The following MISFA variants were observed in gnomAD, a reference collection of about 807,000 sequenced individuals.
The protein encoded by MISFA is mitochondrial sheath formation-associated protein.
At chr11:18,605,929 C>G in the MISFA span, among the ~76,000 whole-genome samples, 1 of 152,186 alleles carries the variant, frequency 6.6e-6, no homozygotes, top group Non-Finnish European at 1.5e-5. Flanking sequence ...CCACCTGCTT[C>G]TACCTCCCAA....
At chr11:18,600,491 C>CCACGCCTG in the MISFA span, among the ~76,000 whole-genome samples, 1 of 149,518 alleles carries the variant, frequency 6.7e-6, no homozygotes, top group Non-Finnish European at 1.5e-5. Flanking sequence ...GCATGAGCCA[C>CCACGCCTG]CACGCCTGGC....
At chr11:18,603,554 C>T in the MISFA span, among the ~76,000 whole-genome samples, 2 of 152,254 alleles carry the variant, frequency 1.3e-5, no homozygotes, top group Non-Finnish European at 2.9e-5. Context: ...TCTCTTTTCT[C>T]TCTCCTCCTG....
At chr11:18,601,724 T>G in the MISFA span, 1 of 392,468 alleles carries the variant, frequency 2.5e-6, no homozygotes, top group African/African-American at 2.1e-5. Context: ...CCAGCATTTT[T>G]AACGTCCCTT....
the MISFA span, among the ~76,000 whole-genome samples, chr11:18,604,100 G>A: frequency 1.3e-5 from 2 of 151,320 alleles, no homozygotes; most frequent in Admixed American, 6.6e-5. Flanking sequence ...CTATTTTTTT[G>A]TGTTTTTAGT....
chr11:18,606,184 C>G, the MISFA span, among the ~76,000 whole-genome samples: 1 of 152,138 alleles, frequency 6.6e-6, no homozygotes, highest in Non-Finnish European at 1.5e-5. Context: ...GGTCAGAGAG[C>G]AGAACAGTTC....
At chr11:18,605,144 G>A in the MISFA span, among the ~76,000 whole-genome samples, 12 of 152,152 alleles carry the variant, frequency 7.9e-5, no homozygotes, top group African/African-American at 2.9e-4. Context: ...TTGGGAGGCT[G>A]AGGCAGAATT....
At chr11:18,599,822 G>A in the MISFA span, 19 of 395,256 alleles carry the variant, frequency 4.8e-5, no homozygotes, top group East Asian at 5.0e-4. Context: ...ACAGACATGC[G>A]AGACCTCTAC....
the MISFA span, chr11:18,606,529 A>G: frequency 5.0e-6 from 1 of 201,940 alleles, no homozygotes; most frequent in Non-Finnish European, 1.0e-5. Context: ...CTATCTAAAA[A>G]TTTTTTTAAC....
At chr11:18,599,871 CT>C in the MISFA span, 1 of 398,602 alleles carries the variant, frequency 2.5e-6, no homozygotes, top group Non-Finnish European at 4.4e-6. Context: ...TTGCCAAGAT[CT>C]TGGTGAATAG....
At chr11:18,603,254 A>C in the MISFA span, 1 of 398,890 alleles carries the variant, frequency 2.5e-6, no homozygotes, top group East Asian at 3.6e-5. Context: ...CCCGCCCCCA[A>C]AACAAACTAA....
chr11:18,600,934 G>A, the MISFA span, among the ~76,000 whole-genome samples: 52 of 152,270 alleles, frequency 3.4e-4, no homozygotes, highest in Non-Finnish European at 7.2e-4. Context: ...TTTGACTTGC[G>A]GATTGCAGGC....
At chr11:18,601,287 A>G in the MISFA span, 1 of 398,024 alleles carries the variant, frequency 2.5e-6, no homozygotes, top group African/African-American at 2.1e-5. Flanking sequence ...AAAATATAAT[A>G]AACTGTGGAA....
chr11:18,600,707 A>G, the MISFA span, among the ~76,000 whole-genome samples: 1 of 151,262 alleles, frequency 6.6e-6, no homozygotes, highest in Non-Finnish European at 1.5e-5. Context: ...TTTTTAGTAG[A>G]GACGGGGTTT....
the MISFA span, chr11:18,600,944 C>T: frequency 2.5e-6 from 1 of 396,444 alleles, no homozygotes; most frequent in Non-Finnish European, 4.4e-6. Flanking sequence ...GGATTGCAGG[C>T]CAAGTGGATC....
At chr11:18,606,720 T>A in the MISFA span, 1 of 405,318 alleles carries the variant, frequency 2.5e-6, no homozygotes, top group Non-Finnish European at 4.7e-6. Context: ...CATATATTTA[T>A]TCTCTTTCCA....
At chr11:18,601,611 T>C in the MISFA span, 1 of 397,828 alleles carries the variant, frequency 2.5e-6, no homozygotes, top group Non-Finnish European at 4.4e-6. Flanking sequence ...GGTGTCACTA[T>C]GTTGCCCAGG....
chr11:18,600,902 A>C, the MISFA span, among the ~76,000 whole-genome samples: 7 of 152,136 alleles, frequency 4.6e-5, no homozygotes, highest in Non-Finnish European at 1.5e-5. Flanking sequence ...TGGAATTTGC[A>C]AGGGGTCTGC....
chr11:18,604,023 T>C, the MISFA span: 1 of 248,170 alleles, frequency 4.0e-6, no homozygotes, highest in Non-Finnish European at 7.3e-6. Context: ...GCCTCCCGGG[T>C]TCATGCCATT....
chr11:18,603,233 T>A, the MISFA span: 1 of 398,954 alleles, frequency 2.5e-6, no homozygotes, highest in East Asian at 3.6e-5. Context: ...ATTCCTACTT[T>A]GAAATGTATT....
Sources: allele counts gnomAD v4.1 joint callset (sites outside exome capture counted in the v4.1 genomes callset), GRCh38; gene constraint gnomAD v4.1.1; transcripts MANE v1.5; gene names NCBI Gene and HGNC (gene_info 2026-07-23, HGNC 2026-07-21).